The following SHANK2 variants were observed in gnomAD, a reference collection of about 807,000 sequenced individuals.
The protein encoded by SHANK2 is SH3 and multiple ankyrin repeat domains protein 2.
A neutral mutation model predicts 133.7 loss-of-function variants in SHANK2; 43 were observed. The ratio of observed to expected loss-of-function variants is 0.32; its 90% CI spans 0.25 to 0.41. SHANK2 has a LOEUF of 0.41. Among genes scored for constraint, SHANK2 ranks in the 10% least tolerant of loss-of-function variants. SHANK2 has a pLI of 1.00. For missense variants in SHANK2, 1,994 were observed against 2,235.8 expected (o/e 0.89, Z 2.18); for synonymous variants, 1,017 against 952.8 (o/e 1.07, Z -1.24).
At chr11:71,132,421 A>G (rs1952333388) in intron 3 of SHANK2, among the ~76,000 whole-genome samples, 1 of 152,096 alleles carries the variant, frequency 6.6e-6, no homozygotes, top group African/African-American at 2.4e-5. Flanking sequence ...CTCCCCCTAC[A>G]CTGTGGGATT....
intron 17 of SHANK2, among the ~76,000 whole-genome samples, chr11:70,658,915 T>C (rs2061445407): frequency 6.6e-6 from 1 of 152,168 alleles, no homozygotes; most frequent in African/African-American, 2.4e-5. Context: ...GGGCTCAGGG[T>C]GACATGGAAG....
At chr11:70,836,170 G>A (rs1411070956) in intron 11 of SHANK2, among the ~76,000 whole-genome samples, 1 of 152,232 alleles carries the variant, frequency 6.6e-6, no homozygotes, top group African/African-American at 2.4e-5. Context: ...CAGTCCTTAA[G>A]GGAGCGTGCC....
At chr11:71,057,533 A>G (rs1950934787) in intron 9 of SHANK2, among the ~76,000 whole-genome samples, 1 of 152,156 alleles carries the variant, frequency 6.6e-6, no homozygotes, top group African/African-American at 2.4e-5. Flanking sequence ...GGGAGAGAAC[A>G]GAAGGAATCT....
intron 4 of SHANK2, 85 bp downstream of exon 4, chr11:71,118,744 C>T (rs1471909013): frequency 1.5e-5 from 18 of 1,186,102 alleles, no homozygotes; most frequent in African/African-American, 1.2e-4. Flanking sequence ...GAATTGGTCT[C>T]GCCCCACCAC....
intron 17 of SHANK2, among the ~76,000 whole-genome samples, chr11:70,563,240 ATTTCAGCAG>A (rs1363887912): frequency 1.3e-5 from 2 of 152,004 alleles, no homozygotes; most frequent in African/African-American, 4.8e-5. Context: ...TTGTTTTGTT[ATTTCAGCAG>A]TTGCTTTAGA....
At chr11:70,939,413 G>A (rs1950615020) in intron 10 of SHANK2, among the ~76,000 whole-genome samples, 2 of 152,164 alleles carry the variant, frequency 1.3e-5, no homozygotes, top group African/African-American at 4.8e-5. Flanking sequence ...GGGTGGCGGA[G>A]GTTGCAGTGA....
intron 6 of SHANK2, among the ~76,000 whole-genome samples, chr11:71,108,412 C>T (rs1951834190): frequency 6.6e-6 from 1 of 152,214 alleles, no homozygotes; most frequent in South Asian, 2.1e-4. Context: ...TGCCCCACAG[C>T]TGAGGGCCAC....
intron 17 of SHANK2, among the ~76,000 whole-genome samples, chr11:70,644,702 A>C (rs1555007639): frequency 6.6e-6 from 1 of 152,220 alleles, no homozygotes; most frequent in East Asian, 1.9e-4. Context: ...GACAGTGCTG[A>C]AATCCATCTC....
intron 10 of SHANK2, among the ~76,000 whole-genome samples, chr11:70,905,696 T>G (rs1950091172): frequency 6.6e-6 from 1 of 152,054 alleles, no homozygotes; most frequent in African/African-American, 2.4e-5. Context: ...ATCCAGGAAG[T>G]GGGCCCTCAT....
At chr11:71,072,075 G>A (rs1329396701) in intron 9 of SHANK2, among the ~76,000 whole-genome samples, 7 of 152,254 alleles carry the variant, frequency 4.6e-5, no homozygotes, top group Admixed American at 4.6e-4. Context: ...AAGAAGGCAC[G>A]GACAGAGAAG....
chr11:70,892,356 T>A lies in SHANK2; in HGVS notation c.1174+4145A>T, dbSNP rs481498. ...AGAGGAGATACCCCTCTAACTATGG[T>A]GGGGGGGACTGCCCTGTTGGTGATC... On this transcript the variant is annotated intron_variant, in intron 11 of 25. Coordinates refer to ENST00000601538, the MANE Select transcript of SHANK2 (RefSeq NM_012309.5). Among the ~76,000 whole-genome samples the A allele has an allele frequency of 3.7e-4, 55 of 149,256 alleles. 1 individual carries two copies. The East Asian group carries it at 5.5e-3, about 15-fold the overall frequency.
chr11:70,714,575 T>C (rs1205961699), intron 14 of SHANK2, among the ~76,000 whole-genome samples: 1 of 152,188 alleles, frequency 6.6e-6, no homozygotes, highest in Admixed American at 6.5e-5. Context: ...TTAACATTTC[T>C]GCAGTATTGC....
At chr11:70,796,239 A>G (rs1276444596) in intron 14 of SHANK2, among the ~76,000 whole-genome samples, 1 of 152,126 alleles carries the variant, frequency 6.6e-6, no homozygotes, top group Non-Finnish European at 1.5e-5. Flanking sequence ...CACAGGAGAG[A>G]GGAGGAAGAC....
At position 70,500,710 on chromosome 11, in the gene SHANK2, C is replaced by T; in HGVS notation, c.2288-120G>A. Reference sequence around the variant, plus strand: ...GCAGGCTGGGCCGGCAATGGGGCGGCAGGCAGGGGCTGTCTGGAACGCTGC... The same window carrying T: ...GCAGGCTGGGCCGGCAATGGGGCGGTAGGCAGGGGCTGTCTGGAACGCTGC... On this transcript the variant is annotated intron_variant, in intron 20 of 25. Transcript: ENST00000601538. This position sits in a 1 kb window ranked among gnomAD's most constrained non-coding sequence, Gnocchi z 4.5. The T allele has an allele frequency of 7.5e-7, 1 of 1,330,884 alleles. No homozygotes were observed. The highest frequency in any genetic ancestry group is 1.5e-5 in the African/African-American group (1 of 68,918). 82.4% of individuals were successfully genotyped at this position (1,330,884 alleles called of 1,614,324 possible). A position where few individuals can be genotyped will look rare whatever the true frequency, so the allele number is the denominator to read the frequency against.
chr11:70,834,915 G>A (rs1948788833), intron 11 of SHANK2, among the ~76,000 whole-genome samples: 1 of 152,058 alleles, frequency 6.6e-6, no homozygotes, highest in South Asian at 2.1e-4. Context: ...AGGGGCTGGG[G>A]GTGTAACTCC....
chr11:71,203,718 A>G (rs1054888275), intron 2 of SHANK2, among the ~76,000 whole-genome samples: 6 of 152,356 alleles, frequency 3.9e-5, no homozygotes, highest in Admixed American at 3.3e-4. Flanking sequence ...CTTGAGTGAC[A>G]TCAGATGGCC....
intron 15 of SHANK2, among the ~76,000 whole-genome samples, chr11:70,678,148 GTTGT>G (rs1294738887): frequency 2.6e-5 from 4 of 152,226 alleles, no homozygotes; most frequent in East Asian, 1.9e-4. Context: ...TTGTTGTGTT[GTTGT>G]TTGTTTGTTT....
chr11:71,183,911 G>A (rs1446565441), intron 2 of SHANK2, among the ~76,000 whole-genome samples: 3 of 152,142 alleles, frequency 2.0e-5, no homozygotes, highest in South Asian at 2.1e-4. Flanking sequence ...GTTGGACCAC[G>A]TCAACAAACT....
In SHANK2 at chr11:70,637,592, G is replaced by T. The variant is rs980875132; in HGVS notation, c.2061+22236C>A. On this transcript the variant is annotated intron_variant, in intron 17 of 25. Transcript: ENST00000601538. ...TCGGGAAGCAGCCACTGCAGAGAGG[G>T]TGTGACCCGTGGGAGGCCGCTGCCC... Among the ~76,000 whole-genome samples, 5 of 152,320 alleles carry T rather than the reference G, an allele frequency of 3.3e-5. No individual in the cohort carries two copies. The East Asian group carries it at 9.7e-4, about 30-fold the overall frequency.
Sources: gnomAD v4.1 joint callset for allele counts (sites outside exome capture counted in the v4.1 genomes callset) on GRCh38, gnomAD v4.1.1 for gene constraint, Gnocchi (gnomAD v3.1) non-coding constraint, MANE v1.5 for transcripts, NCBI Gene and HGNC (gene_info 2026-07-23, HGNC 2026-07-21) for gene names.